OPRM1: variants seen among roughly 807,000 people sequenced by gnomAD.
The protein encoded by OPRM1 is opioid receptor mu 1.
OPRM1 carries 27 observed loss-of-function variants against 31.8 expected under a neutral mutation model. The observed-to-expected ratio is 0.85, with a 90% CI of 0.63 to 1.17. The LOEUF is 1.17. Ranked by LOEUF, OPRM1 falls within the 50% of genes most tolerant of loss-of-function variation. OPRM1 has a pLI of 0.00. For synonymous variants in OPRM1, 196 were observed against 189.9 expected, an observed-to-expected ratio of 1.03 and a Z score of -0.26; for missense variants, 536 against 511.1, an observed-to-expected ratio of 1.05 and a Z score of -0.47.
chr6:154,225,521 A>G (rs6926178), intron 3 of OPRM1, among the ~76,000 whole-genome samples: 4,232 of 152,336 alleles, frequency 0.028, 206 homozygotes, highest in African/African-American at 0.097. Flanking sequence ...TTCAATTTAT[A>G]TGAAATATCC....
At chr6:154,025,748 C>T (rs1778656565) in intron 1 of OPRM1, among the ~76,000 whole-genome samples, 1 of 151,908 alleles carries the variant, frequency 6.6e-6, no homozygotes, top group African/African-American at 2.4e-5. Context: ...TATCTTGTAA[C>T]TCATTATTTT....
In OPRM1 at chr6:154,100,189, A is replaced by G. The variant is rs554956932; in HGVS notation, c.1164+8717A>G. On this transcript the variant is annotated intron_variant, in intron 3 of 3. Coordinates refer to ENST00000330432, the MANE Select transcript of OPRM1 (RefSeq NM_000914.5). Reference sequence around the variant, plus strand: ...ATAATATATATTATCATATTATGACATATCATAATATATATTATCATATTA... The same window carrying G: ...ATAATATATATTATCATATTATGACGTATCATAATATATATTATCATATTA... Among the ~76,000 whole-genome samples the G allele has an allele frequency of 1.0e-3, 15 of 14,318 alleles. 2 individuals carry two copies. The East Asian group carries it at 0.11, about 104-fold the overall frequency. 9.4% of individuals were successfully genotyped at this position (14,318 alleles called of 152,430 possible).
chr6:154,133,250 T>G (rs1052660064), downstream of OPRM1, among the ~76,000 whole-genome samples: 2 of 152,262 alleles, frequency 1.3e-5, no homozygotes, highest in African/African-American at 4.8e-5. Context: ...TGTAAAAATT[T>G]CATCTCTACA....
intron 1 of OPRM1, among the ~76,000 whole-genome samples, chr6:154,079,529 T>A (rs1788624371): frequency 6.6e-6 from 1 of 151,966 alleles, no homozygotes; most frequent in Non-Finnish European, 1.5e-5. Flanking sequence ...GGGATGAGGC[T>A]CAAGACTCAT....
At chr6:154,180,414 A>ATATATATAT (rs1241250621) in intron 3 of OPRM1, among the ~76,000 whole-genome samples, 6 of 65,256 alleles carry the variant, frequency 9.2e-5, no homozygotes, top group African/African-American at 2.9e-4. Context: ...ATATATATAT[A>ATATATATAT]TTTTTTTTTT....
At position 154,126,510 on chromosome 6, in the gene OPRM1, TC is replaced by T. The variant is rs1337428729; in HGVS notation, c.*7790del. On this transcript the variant is annotated 3_prime_UTR_variant, in exon 4 of 4. Transcript: ENST00000330432. ...TGCAAAATTCAAATGTCTCATAGGC[TC>T]TTCTTCCCTGGTTCCCTCAGGAGCT... 1.3e-5 allele frequency among the ~76,000 whole-genome samples: 2 copies of T among 152,210 alleles called. No homozygotes were observed. Among genetic ancestry groups the T allele is most frequent in the Non-Finnish European group, 2.9e-5 (2 of 68,036 alleles).
At chr6:154,094,190 G>T (rs1013017550) in intron 3 of OPRM1, 1 of 1,276,864 alleles carries the variant, frequency 7.8e-7, no homozygotes, top group Non-Finnish European at 1.0e-6. Context: ...AAGCACATTA[G>T]TCAACTTCAT....
At chr6:154,161,714 G>T (rs1016677139) in intron 3 of OPRM1, among the ~76,000 whole-genome samples, 24 of 152,144 alleles carry the variant, frequency 1.6e-4, no homozygotes, top group Non-Finnish European at 3.5e-4. Context: ...GCTTAAAGAA[G>T]ATGACAAGAA....
chr6:154,142,401 C>G (rs116521900), intron 3 of OPRM1, among the ~76,000 whole-genome samples: 3 of 128,504 alleles, frequency 2.3e-5, no homozygotes, highest in African/African-American at 5.7e-5. Flanking sequence ...GGTAGTATGA[C>G]CTTCTGGGGA....
downstream of OPRM1, among the ~76,000 whole-genome samples, chr6:154,135,444 T>C (rs1470018521): frequency 1.3e-5 from 2 of 151,828 alleles, no homozygotes; most frequent in African/African-American, 4.8e-5. Context: ...CACTCCAGCC[T>C]GGACAACAGA....
At chr6:154,185,466 A>C (rs1435324608) in intron 3 of OPRM1, among the ~76,000 whole-genome samples, 1 of 152,242 alleles carries the variant, frequency 6.6e-6, no homozygotes, top group Non-Finnish European at 1.5e-5. Flanking sequence ...AAACTTTACA[A>C]ATCAGTTCAG....
Position 154,091,456 on chromosome 6 carries a change from A to G in OPRM1, c.1148A>G (p.Asp383Gly). Reference protein sequence around the residue: ...RDHPSTANTVDRTNHQLENLE... With the variant: ...RDHPSTANTVGRTNHQLENLE... ...CACCCCTCCACGGCCAATACAGTGG[A>G]TAGAACTAATCATCAGGTACGCAGT... Residue 383 changes from aspartate (D) to glycine (G), a missense_variant, in exon 3 of 4, where the codon GAT becomes GGT. By Grantham distance (94) the Asp-to-Gly change is moderately conservative. Transcript: ENST00000330432. The G allele has an allele frequency of 6.2e-7, 1 of 1,612,352 alleles. No individual in the cohort carries two copies. The highest frequency in any genetic ancestry group is 8.5e-7 in the Non-Finnish European group (1 of 1,179,910).
chr6:154,066,892 A>G (rs1785529015), intron 1 of OPRM1, among the ~76,000 whole-genome samples: 1 of 152,196 alleles, frequency 6.6e-6, no homozygotes, highest in Non-Finnish European at 1.5e-5. Flanking sequence ...TAAGTAGACT[A>G]TTACAGTAGT....
intron 3 of OPRM1, among the ~76,000 whole-genome samples, chr6:154,112,350 T>C (rs529246601): frequency 6.6e-6 from 1 of 152,234 alleles, no homozygotes; most frequent in East Asian, 1.9e-4. Context: ...AAACCACTTA[T>C]TACTCACAGC....
intron 3 of OPRM1, among the ~76,000 whole-genome samples, chr6:154,152,347 G>GAAAGAAAGAAAA: frequency 7.2e-4 from 47 of 65,200 alleles, no homozygotes; most frequent in East Asian, 2.3e-3. Context: ...AAGAAAGAAA[G>GAAAGAAAGAAAA]GAAAGAAAGA....
At chr6:154,036,299 T>C (rs1305190279), upstream of OPRM1, among the ~76,000 whole-genome samples, 1 of 152,058 alleles carries the variant, frequency 6.6e-6, no homozygotes, top group African/African-American at 2.4e-5. Context: ...GGGTGGAAGA[T>C]ACCAAGATAT....
intron 3 of OPRM1, among the ~76,000 whole-genome samples, chr6:154,140,653 GATGGACCTCCCAAGAATCAT>G (rs1388759634): frequency 2.0e-4 from 30 of 152,260 alleles, no homozygotes; most frequent in Non-Finnish European, 3.1e-4. Flanking sequence ...ACTACTTGGA[GATGGACCTCCCAAGAATCAT>G]ATGCAGCTCC....
chr6:154,109,261 G>A (rs1027776849), intron 3 of OPRM1, among the ~76,000 whole-genome samples: 5 of 152,166 alleles, frequency 3.3e-5, no homozygotes, highest in Non-Finnish European at 7.3e-5. Flanking sequence ...TAGGGAATTG[G>A]ACTCAACCAA....
chr6:154,142,429 C>T (rs1392014674), intron 3 of OPRM1, among the ~76,000 whole-genome samples: 2 of 152,006 alleles, frequency 1.3e-5, no homozygotes, highest in East Asian at 1.9e-4. Context: ...CCAGAAAAGG[C>T]GAGAACACCT....
Sources: allele counts gnomAD v4.1 joint callset (sites outside exome capture counted in the v4.1 genomes callset), GRCh38; gene constraint gnomAD v4.1.1; transcripts MANE v1.5; gene names NCBI Gene and HGNC (gene_info 2026-07-23, HGNC 2026-07-21).